The following BBX variants were observed in gnomAD, a reference collection of about 807,000 sequenced individuals.
BBX encodes the protein HMG box transcription factor BBX.
Under a neutral mutation model 100.2 loss-of-function variants are expected in BBX, and 30 were observed. The ratio of observed to expected loss-of-function variants is 0.30; its 90% CI spans 0.22 to 0.41. The LOEUF (loss-of-function observed/expected upper bound fraction) is 0.41, where lower values mean the gene tolerates loss of function less well. BBX is among the 10% of genes least tolerant of loss of function. The probability of loss-of-function intolerance (pLI) is 1.00; values close to 1 mark genes in which losing one functional copy is unlikely to be tolerated. For synonymous variants in BBX, 376 were observed against 388.1 expected, an observed-to-expected ratio of 0.97 and a Z score of 0.37; for missense variants, 1,023 against 1,129.8, an observed-to-expected ratio of 0.91 and a Z score of 1.35.
At chr3:107,725,214 G>T (rs1213798430) in intron 5 of BBX, among the ~76,000 whole-genome samples, 1 of 152,182 alleles carries the variant, frequency 6.6e-6, no homozygotes, top group Admixed American at 6.5e-5. Context: ...CTGTTTGTCT[G>T]TTATTGGTGT....
At chr3:107,554,795 G>C (rs951728506) in intron 2 of BBX, among the ~76,000 whole-genome samples, 2 of 151,988 alleles carry the variant, frequency 1.3e-5, no homozygotes, top group African/African-American at 4.8e-5. Flanking sequence ...GTAGCTGGGC[G>C]TGGTGGCTCA....
chr3:107,772,780 A>G lies in BBX; in HGVS notation c.1059A>G (p.Glu353=). 6.2e-7 allele frequency: 1 copy of G among 1,613,334 alleles called. No homozygotes were observed. The highest frequency in any genetic ancestry group is 8.5e-7 in the Non-Finnish European group (1 of 1,179,842). ...EKTDETRLQK[E]AEFEKSAKEN... is the part of the protein sequence containing the mutation. ...CAGATGAAACTAGGTTACAGAAGGAAGCAGAATTTGAAAAATCGGCTAAGG... is the reference window on the plus strand; with the variant it reads ...CAGATGAAACTAGGTTACAGAAGGAGGCAGAATTTGAAAAATCGGCTAAGG... The change falls in exon 11 of 18, where the codon GAA becomes GAG. Residue 353 remains glutamate, a synonymous_variant. Transcript: ENST00000325805.
At chr3:107,645,363 T>A (rs182978129) in intron 2 of BBX, among the ~76,000 whole-genome samples, 17 of 152,344 alleles carry the variant, frequency 1.1e-4, no homozygotes, top group Admixed American at 9.8e-4. Context: ...TCGTTTTTAC[T>A]ATCTTGCCCT....
chr3:107,710,739 A>G (rs140656887), intron 4 of BBX, 117 bp downstream of exon 4: 412 of 896,740 alleles, frequency 4.6e-4, no homozygotes, highest in Non-Finnish European at 6.1e-4. Flanking sequence ...TATAGCTTGA[A>G]TCCTATTCAA....
At chr3:107,657,886 C>A (rs188255287) in intron 3 of BBX, among the ~76,000 whole-genome samples, 1 of 152,062 alleles carries the variant, frequency 6.6e-6, no homozygotes, top group African/African-American at 2.4e-5. Context: ...TTGAAAATAC[C>A]CATTCTTTGT....
chr3:107,635,028 A>G (rs959556327), intron 2 of BBX, among the ~76,000 whole-genome samples: 3 of 152,196 alleles, frequency 2.0e-5, no homozygotes, highest in Non-Finnish European at 4.4e-5. Context: ...GGGTCAAGTA[A>G]GTTGATATGA....
chr3:107,541,556 G>A (rs878887374), intron 2 of BBX, among the ~76,000 whole-genome samples: 1 of 152,102 alleles, frequency 6.6e-6, no homozygotes, highest in Admixed American at 6.5e-5. Context: ...CACAACTTGT[G>A]ATGGCAAATT....
rs945587683 is a variant in BBX at position 107,523,029 on chromosome 3, C to T, written c.-234C>T. 1 of 153,618 alleles carries T rather than the reference C, an allele frequency of 6.5e-6. No individual in the cohort carries two copies. Among genetic ancestry groups the T allele is most frequent in the Admixed American group, 6.5e-5 (1 of 15,296 alleles). The allele number at this position is 153,618 out of a possible 1,614,324, so 9.5% of individuals were successfully genotyped here. On this transcript the variant is annotated 5_prime_UTR_variant, in exon 1 of 18. Transcript: ENST00000325805. ...GCAGAGCGGCTCCGCGAGCTTCTCT[C>T]CACTTTCCCATAGAGAAACCCTGAC...
At chr3:107,664,375 A>T (rs1181972630) in intron 3 of BBX, among the ~76,000 whole-genome samples, 3 of 152,206 alleles carry the variant, frequency 2.0e-5, no homozygotes, top group Non-Finnish European at 4.4e-5. Context: ...GTTCTTTAAA[A>T]TTACTAGATT....
chr3:107,738,959 C>T (rs2063863260), intron 7 of BBX, among the ~76,000 whole-genome samples: 1 of 152,188 alleles, frequency 6.6e-6, no homozygotes, highest in Admixed American at 6.5e-5. Flanking sequence ...ACTAGAATTA[C>T]ACCCACATTG....
chr3:107,761,102 A>C (rs113353691), intron 10 of BBX, among the ~76,000 whole-genome samples: 1 of 152,110 alleles, frequency 6.6e-6, no homozygotes, highest in Non-Finnish European at 1.5e-5. Context: ...TCCCTCCTTT[A>C]TACCTGACCG....
chr3:107,691,426 G>T (rs2060164458), intron 3 of BBX, among the ~76,000 whole-genome samples: 1 of 152,072 alleles, frequency 6.6e-6, no homozygotes, highest in South Asian at 2.1e-4. Context: ...ACACCTGAAA[G>T]AAATATAAAA....
At chr3:107,690,772 G>A (rs2060109869) in intron 3 of BBX, among the ~76,000 whole-genome samples, 1 of 150,688 alleles carries the variant, frequency 6.6e-6, no homozygotes, top group Non-Finnish European at 1.5e-5. Context: ...CAGTAAACGT[G>A]TATCTTGTGG....
At chr3:107,592,206 A>T (rs1385000782) in intron 2 of BBX, among the ~76,000 whole-genome samples, 1 of 151,952 alleles carries the variant, frequency 6.6e-6, no homozygotes, top group Non-Finnish European at 1.5e-5. Context: ...TGGGTTAAAA[A>T]TGGTGTATTA....
At chr3:107,541,405 T>G (rs749623559) in intron 2 of BBX, among the ~76,000 whole-genome samples, 5 of 152,212 alleles carry the variant, frequency 3.3e-5, no homozygotes, top group Non-Finnish European at 7.4e-5. Flanking sequence ...GTGCTAATTT[T>G]GTTCATGCCC....
intron 8 of BBX, among the ~76,000 whole-genome samples, chr3:107,747,163 G>A (rs558209955): frequency 3.7e-4 from 56 of 152,158 alleles, no homozygotes; most frequent in African/African-American, 1.2e-3. Flanking sequence ...GAAACAAAAG[G>A]TCCCCTAGTT....
chr3:107,588,970 A>G (rs773959464), intron 2 of BBX, among the ~76,000 whole-genome samples: 1 of 152,244 alleles, frequency 6.6e-6, no homozygotes, highest in Non-Finnish European at 1.5e-5. Flanking sequence ...AAGAAATACC[A>G]TAAATGATGT....
At chr3:107,545,693 A>G (rs948071565) in intron 2 of BBX, among the ~76,000 whole-genome samples, 1 of 152,126 alleles carries the variant, frequency 6.6e-6, no homozygotes, top group Non-Finnish European at 1.5e-5. Flanking sequence ...GCTCCTCTTT[A>G]GGGAATGGCA....
rs1467709944 is a variant in BBX, at chr3:107,798,709, G to A, written c.2540G>A (p.Gly847Glu). 8 of 1,613,862 alleles carry A rather than the reference G, an allele frequency of 5.0e-6. No homozygotes were observed. Among genetic ancestry groups the A allele is most frequent in the African/African-American group, 1.3e-5 (1 of 74,850 alleles). Residue 847 changes from glycine (G) to glutamate (E), a missense_variant, in exon 16 of 18, where the codon GGA becomes GAA. Around this residue, in one of 9 missense-constraint regions of BBX, gnomAD observed 104 missense variants for 132.2 expected, o/e 0.79. Transcript: ENST00000325805. ...GCAGATGGCCGGGTATCACCAGCAG[G>A]AGGTACTTTGGGTAAGAAGAGAGAG... Reference protein sequence around the residue: ...RTADGRVSPAGGTLDDKPKEQ... With the variant: ...RTADGRVSPAEGTLDDKPKEQ...
Sources: allele counts gnomAD v4.1 joint callset (sites outside exome capture counted in the v4.1 genomes callset), GRCh38; gene constraint gnomAD v4.1.1; regional missense constraint gnomAD v4.1.1; transcripts MANE v1.5; gene names NCBI Gene and HGNC (gene_info 2026-07-23, HGNC 2026-07-21).